CDK15: variants seen among roughly 807,000 people sequenced by gnomAD.
CDK15 encodes the protein cyclin-dependent kinase 15.
Under a neutral mutation model 60.3 loss-of-function variants are expected in CDK15, and 62 were observed. The ratio of observed to expected loss-of-function variants is 1.03; its 90% CI spans 0.84 to 1.27. The LOEUF (loss-of-function observed/expected upper bound fraction) is 1.27. CDK15 is among the 50% of genes most tolerant of loss of function. The pLI, the probability that CDK15 is intolerant of heterozygous loss-of-function variation, is 0.00. For missense variants in CDK15, 541 were observed against 527.8 expected, an observed-to-expected ratio of 1.03 and a Z score of -0.25; for synonymous variants, 194 against 195.7, an observed-to-expected ratio of 0.99 and a Z score of 0.07.
chr2:201,807,939 A>G lies in CDK15; in HGVS notation c.355A>G (p.Lys119Glu). The G allele has an allele frequency of 1.2e-6, 2 of 1,614,016 alleles. No individual in the cohort carries two copies. The highest frequency in any genetic ancestry group is 1.7e-6 in the Non-Finnish European group (2 of 1,179,944). Residue 119 changes from lysine to glutamate, a missense_variant, in exon 3 of 14, where the codon AAG (lysine) becomes GAG (glutamate). By Grantham distance (56) the Lys-to-Glu change is moderately conservative. Transcript: ENST00000652192. ...TGAAGGCTCTTATGCGACAGTTTAC[A>G]AGGGGATTAGCAGGTGAGTGACACA... ...LGEGSYATVY[K>E]GISRINGQLV...
chr2:201,872,899 A>T (rs1033414318), intron 11 of CDK15, among the ~76,000 whole-genome samples: 3 of 152,232 alleles, frequency 2.0e-5, no homozygotes, highest in Non-Finnish European at 4.4e-5. Flanking sequence ...CAATTACAAT[A>T]ACCAGTATTA....
chr2:201,890,075 G>T (rs563145427), intron 12 of CDK15, among the ~76,000 whole-genome samples: 5 of 141,720 alleles, frequency 3.5e-5, no homozygotes, highest in African/African-American at 1.3e-4. Flanking sequence ...AAAAAAAAAA[G>T]ATTGCCTAAT....
At position 201,836,074 on chromosome 2, in the gene CDK15, T is replaced by A. The variant is rs13016379; in HGVS notation, c.851+311T>A. Among the ~76,000 whole-genome samples, 25 of 6,222 alleles carry A rather than the reference T, an allele frequency of 4.0e-3. 1 individual carries two copies. The highest frequency in any genetic ancestry group is 0.025 in the Admixed American group (9 of 362). 4.1% of individuals were successfully genotyped at this position (6,222 alleles called of 152,430 possible). ...ATATATATATTATATATATTTATAT[T>A]TATATATATTTATATATTTATATAT... On this transcript the variant is annotated intron_variant, in intron 8 of 13. Coordinates refer to ENST00000652192, the MANE Select transcript of CDK15 (RefSeq NM_001366386.2).
At chr2:201,883,544 CA>C (rs1699353302) in intron 12 of CDK15, among the ~76,000 whole-genome samples, 1 of 152,240 alleles carries the variant, frequency 6.6e-6, no homozygotes, top group South Asian at 2.1e-4. Context: ...TCCTTTTGGA[CA>C]GCACCTGAAG....
chr2:201,810,807 A>C (rs1488378559), intron 3 of CDK15, among the ~76,000 whole-genome samples: 2 of 151,792 alleles, frequency 1.3e-5, no homozygotes, highest in South Asian at 4.2e-4. Context: ...TCAACATCAA[A>C]AGTCATAAAT....
In CDK15 at chr2:201,852,779, G is replaced by A. The variant is rs1473196013; in HGVS notation, c.946-2095G>A. ...CAAGTGAAAAAGAATTCAATAACTT[G>A]CAAATAGAAACTGAGATCAAATTTC... On this transcript the variant is annotated intron_variant, in intron 9 of 13. Coordinates refer to ENST00000652192, the MANE Select transcript of CDK15 (RefSeq NM_001366386.2). Among the ~76,000 whole-genome samples, 3 of 152,120 alleles carry A rather than the reference G, an allele frequency of 2.0e-5. No individual in the cohort carries two copies. In the East Asian group the frequency reaches 5.8e-4, roughly 29 times the overall value.
chr2:201,807,315 A>G (rs1335514989), intron 1 of CDK15, among the ~76,000 whole-genome samples, 179 bp from the exon 2 acceptor site: 1 of 152,202 alleles, frequency 6.6e-6, no homozygotes, highest in Non-Finnish European at 1.5e-5. Flanking sequence ...GTATTTCAGG[A>G]GTTGATACCA....
At chr2:201,889,360 CTGCTGCCTCT>C (rs1699563921) in intron 12 of CDK15, 1 of 983,184 alleles carries the variant, frequency 1.0e-6, no homozygotes, top group African/African-American at 1.8e-5. Flanking sequence ...GACAATGTGG[CTGCTGCCTCT>C]TGCTATTTTT....
intron 10 of CDK15, among the ~76,000 whole-genome samples, chr2:201,866,549 A>C (rs1490727635): frequency 6.6e-6 from 1 of 152,212 alleles, no homozygotes; most frequent in Non-Finnish European, 1.5e-5. Context: ...AATTGAACTC[A>C]AATGAGAACT....
intron 4 of CDK15, among the ~76,000 whole-genome samples, chr2:201,820,078 G>A (rs1696154328): frequency 6.6e-6 from 1 of 152,104 alleles, no homozygotes; most frequent in Non-Finnish European, 1.5e-5. Flanking sequence ...ATATAGTTAG[G>A]TGAGACTAAA....
chr2:201,874,053 CAAAAAAAAAAAAAA>C (rs61612545), intron 11 of CDK15, among the ~76,000 whole-genome samples: 18 of 113,966 alleles, frequency 1.6e-4, no homozygotes, highest in Admixed American at 1.7e-4. Context: ...GACTCCGTCT[CAAAAAAAAAAAAAA>C]AAAAAAAAAA....
rs1427424389 is a variant in CDK15 at position 201,839,461 on chromosome 2, A to G, written c.851+3698A>G. On this transcript the variant is annotated intron_variant, in intron 8 of 13. Coordinates refer to ENST00000652192, the MANE Select transcript of CDK15 (RefSeq NM_001366386.2). The stretch of plus-strand genomic sequence containing the variant: ...TGGGGGAGATGGTGCTCTAAAGAAT[A>G]CTGTAGGGACTATAGGTGAAATTTC... 2.6e-5 allele frequency among the ~76,000 whole-genome samples: 4 copies of G among 152,288 alleles called. No individual in the cohort carries two copies. In the East Asian group the frequency reaches 7.7e-4, roughly 29 times the overall value.
intron 4 of CDK15, among the ~76,000 whole-genome samples, chr2:201,819,749 C>T (rs980175982): frequency 4.6e-5 from 7 of 152,114 alleles, no homozygotes; most frequent in African/African-American, 1.4e-4. Flanking sequence ...GAGGACTTGA[C>T]GTGTACGAGT....
chr2:201,807,616 A>G lies in CDK15; in HGVS notation c.246A>G (p.Glu82=). ...RPRSNSDCFQ[E]EDLRQGFQWR... ...GGAGTAACAGTGATTGTTTTCAGGAAGAGGATCTGAGGCAGGGTTTTCAGT... is the reference window on the plus strand; with the variant it reads ...GGAGTAACAGTGATTGTTTTCAGGAGGAGGATCTGAGGCAGGGTTTTCAGT... The change falls in exon 2 of 14, where the codon GAA becomes GAG. Residue 82 remains glutamate, a synonymous_variant. Transcript: ENST00000652192. The G allele has an allele frequency of 6.2e-7, 1 of 1,614,156 alleles. No homozygotes were observed.
chr2:201,871,634 T>C (rs560069966), intron 10 of CDK15, among the ~76,000 whole-genome samples: 17 of 152,336 alleles, frequency 1.1e-4, no homozygotes, highest in African/African-American at 4.1e-4. Context: ...ACAGTGTATG[T>C]TAAACAAATG....
intron 3 of CDK15, among the ~76,000 whole-genome samples, chr2:201,812,096 C>T (rs1035842055): frequency 6.6e-6 from 1 of 150,712 alleles, no homozygotes; most frequent in African/African-American, 2.4e-5. Context: ...ATTGCTTGAA[C>T]CCAGGAGGTG....
intron 12 of CDK15, among the ~76,000 whole-genome samples, chr2:201,887,510 G>A (rs1699495267): frequency 6.6e-6 from 1 of 152,004 alleles, no homozygotes; most frequent in Non-Finnish European, 1.5e-5. Flanking sequence ...CTTCTTTTTT[G>A]TTTCCCAACA....
intron 8 of CDK15, among the ~76,000 whole-genome samples, chr2:201,843,636 C>G (rs1177184282): frequency 6.6e-6 from 1 of 152,104 alleles, no homozygotes; most frequent in Non-Finnish European, 1.5e-5. Flanking sequence ...CATACACACA[C>G]TATATACATA....
chr2:201,890,147 A>G (rs1393669177), intron 12 of CDK15, among the ~76,000 whole-genome samples: 2 of 151,968 alleles, frequency 1.3e-5, no homozygotes, highest in African/African-American at 2.4e-5. Flanking sequence ...CTCATTGCCT[A>G]TCACTCTCGA....
Sources: allele counts gnomAD v4.1 joint callset (sites outside exome capture counted in the v4.1 genomes callset), GRCh38; gene constraint gnomAD v4.1.1; transcripts MANE v1.5; gene names NCBI Gene and HGNC (gene_info 2026-07-23, HGNC 2026-07-21).